Variants in NEDD4L observed in about 807,000 individuals in gnomAD.
The protein encoded by NEDD4L is E3 ubiquitin-protein ligase NEDD4-like.
NEDD4L carries 54 observed loss-of-function variants against 148.9 expected under a neutral mutation model. The ratio of observed to expected loss-of-function variants is 0.36; its 90% CI spans 0.29 to 0.45. The LOEUF is 0.45. Ranked by LOEUF, NEDD4L falls within the 20% of genes least tolerant of loss-of-function variation. The pLI is 1.00. For synonymous variants in NEDD4L, 433 were observed against 440.7 expected (o/e 0.98, Z 0.22); for missense variants, 856 against 1,233.8 (o/e 0.69, Z 4.59).
Position 58,179,272 on chromosome 18 carries a change from G to A in NEDD4L, c.122+13411G>A, listed in dbSNP as rs558396509. ...TGAGACTTCACCCACTAGTGGGGCC[G>A]TATAATTCAGGATCTTTTGTTTGTC... On this transcript the variant is annotated intron_variant, in intron 2 of 30. Coordinates refer to ENST00000400345, the MANE Select transcript of NEDD4L (RefSeq NM_001144967.3). Among the ~76,000 whole-genome samples, 12 of 152,290 alleles carry A rather than the reference G, an allele frequency of 7.9e-5. No individual in the cohort carries two copies. The South Asian group carries it at 1.7e-3, about 21-fold the overall frequency.
Position 58,367,849 on chromosome 18 carries a change from C to G in NEDD4L, c.2167C>G (p.His723Asp). 1 of 1,614,022 alleles carries G rather than the reference C, an allele frequency of 6.2e-7. No individual in the cohort carries two copies. The highest frequency in any genetic ancestry group is 1.1e-5 in the South Asian group (1 of 91,076). ...IGRVAGLAVF[H>D]GKLLDGFFIR... is the part of the protein sequence containing the mutation. ...AAGAGTTGCTGGTCTGGCCGTATTT[C>G]ATGGGAAGCTCTTAGATGGTAAGTC... The change falls in exon 22 of 31, where the codon CAT becomes GAT. Residue 723 changes from histidine to aspartate, a missense_variant. Physicochemically the swap from His to Asp is moderately conservative, Grantham distance 81. Transcript: ENST00000400345.
intron 5 of NEDD4L, among the ~76,000 whole-genome samples, chr18:58,272,381 A>G (rs1331867213): frequency 6.6e-6 from 1 of 152,204 alleles, no homozygotes; most frequent in East Asian, 1.9e-4. Context: ...CACACCTGTA[A>G]TCCCAGCGCT....
At chr18:58,265,034 C>T (rs2050018974) in intron 5 of NEDD4L, among the ~76,000 whole-genome samples, 1 of 151,932 alleles carries the variant, frequency 6.6e-6, no homozygotes, top group Non-Finnish European at 1.5e-5. Context: ...CTCCTGATAG[C>T]AGGCACTAAG....
chr18:58,298,371 G>A (rs567889998), intron 5 of NEDD4L, among the ~76,000 whole-genome samples: 3 of 152,296 alleles, frequency 2.0e-5, no homozygotes, highest in East Asian at 1.9e-4. Flanking sequence ...GGTTATCTTA[G>A]TAAAATATGC....
At chr18:58,352,387 G>A (rs571657059) in intron 18 of NEDD4L, among the ~76,000 whole-genome samples, 1 of 152,138 alleles carries the variant, frequency 6.6e-6, no homozygotes, top group South Asian at 2.1e-4. Flanking sequence ...TGGTGCAGTG[G>A]CTCACACCTG....
intron 21 of NEDD4L, chr18:58,367,048 G>A (rs531465436): frequency 1.3e-5 from 2 of 152,254 alleles, no homozygotes; most frequent in Non-Finnish European, 2.9e-5. Flanking sequence ...TATGTACAAT[G>A]TATCCAACTA....
chr18:58,073,156 C>T (rs28804164), intron 1 of NEDD4L, among the ~76,000 whole-genome samples: 6,584 of 151,940 alleles, frequency 0.043, 470 homozygotes, highest in African/African-American at 0.15. Context: ...ATTGTTAATA[C>T]GGCCAATACT....
intron 5 of NEDD4L, among the ~76,000 whole-genome samples, chr18:58,266,680 C>T (rs62094545): frequency 0.22 from 33,547 of 152,030 alleles, 4,333 homozygotes; most frequent in African/African-American, 0.31. Flanking sequence ...ATAGAAAATA[C>T]AATATATCAA....
intron 16 of NEDD4L, among the ~76,000 whole-genome samples, chr18:58,346,745 G>A (rs1473650397): frequency 1.3e-5 from 2 of 152,202 alleles, no homozygotes; most frequent in Non-Finnish European, 2.9e-5. Context: ...AAGAGTTCCC[G>A]TTATGAAACT....
intron 13 of NEDD4L, among the ~76,000 whole-genome samples, chr18:58,339,469 G>A (rs910239086): frequency 6.6e-6 from 1 of 152,146 alleles, no homozygotes; most frequent in Non-Finnish European, 1.5e-5. Context: ...ATTCATGAAA[G>A]GATTAAGTCA....
intron 13 of NEDD4L, among the ~76,000 whole-genome samples, chr18:58,340,163 A>G (rs1178208367): frequency 1.3e-5 from 2 of 152,204 alleles, no homozygotes; most frequent in African/African-American, 2.4e-5. Flanking sequence ...CTCCTGGGAC[A>G]GCCCTGATCT....
At chr18:58,390,487 CTAG>C (rs1353115813) in intron 28 of NEDD4L, 156 bp from the exon 29 acceptor site, 1 of 562,608 alleles carries the variant, frequency 1.8e-6, no homozygotes, top group Non-Finnish European at 3.2e-6. Flanking sequence ...GAGAGGCCAG[CTAG>C]TATTGTGGCC....
At chr18:58,119,907 A>C (rs2086111909) in intron 1 of NEDD4L, among the ~76,000 whole-genome samples, 2 of 152,324 alleles carry the variant, frequency 1.3e-5, no homozygotes, top group African/African-American at 4.8e-5. Flanking sequence ...AGGGTCAAGC[A>C]CCACGGCCTG....
intron 6 of NEDD4L, among the ~76,000 whole-genome samples, chr18:58,320,817 T>G (rs1195588659): frequency 6.6e-6 from 1 of 152,078 alleles, no homozygotes; most frequent in Non-Finnish European, 1.5e-5. Flanking sequence ...GTCTCTAAAT[T>G]AAATAAATAA....
Position 58,330,676 on chromosome 18 carries a change from G to A in NEDD4L, c.814-62G>A, listed in dbSNP as rs1229467559. ...GCTATTGTTGTTACATGGTTTCATT[G>A]GGGAGCTGGGTGGATCCCTACTTCT... On this transcript the variant is annotated intron_variant, in intron 10 of 30. Coordinates refer to ENST00000400345, the MANE Select transcript of NEDD4L (RefSeq NM_001144967.3). The A allele has an allele frequency of 2.3e-6, 3 of 1,306,042 alleles. No homozygotes were observed. In the East Asian group the frequency reaches 7.7e-5, roughly 34 times the overall value. 80.9% of individuals were successfully genotyped at this position (1,306,042 alleles called of 1,614,324 possible). A position where few individuals can be genotyped will look rare whatever the true frequency, so the allele number is the denominator to read the frequency against.
chr18:58,121,713 A>G (rs1167196712), intron 1 of NEDD4L, among the ~76,000 whole-genome samples: 1 of 152,120 alleles, frequency 6.6e-6, no homozygotes, highest in Non-Finnish European at 1.5e-5. Context: ...CTGGCCAACT[A>G]TATGTTTTCT....
At chr18:58,221,867 A>G (rs751229053) in intron 2 of NEDD4L, 1 of 330,400 alleles carries the variant, frequency 3.0e-6, no homozygotes, top group Non-Finnish European at 4.3e-6. Flanking sequence ...GCATAGTTCT[A>G]GCATGTACCA....
chr18:58,238,016 C>G (rs1346791261), intron 2 of NEDD4L, among the ~76,000 whole-genome samples: 1 of 152,220 alleles, frequency 6.6e-6, no homozygotes, highest in East Asian at 1.9e-4. Flanking sequence ...GTGTGTTCTT[C>G]GGCAGCTTCA....
At chr18:58,123,749 T>C (rs2030459155) in intron 1 of NEDD4L, among the ~76,000 whole-genome samples, 1 of 152,066 alleles carries the variant, frequency 6.6e-6, no homozygotes, top group African/African-American at 2.4e-5. Context: ...ACTTTGCTGC[T>C]TGTCTCATTG....
Sources: gnomAD v4.1 joint callset for allele counts (sites outside exome capture counted in the v4.1 genomes callset) on GRCh38, gnomAD v4.1.1 for gene constraint, MANE v1.5 for transcripts, NCBI Gene and HGNC (gene_info 2026-07-23, HGNC 2026-07-21) for gene names.